The following ZFPM2 variants were observed in gnomAD, a reference collection of about 807,000 sequenced individuals.
The protein encoded by ZFPM2 is zinc finger protein, FOG family member 2, also known as zinc finger protein ZFPM2.
Under a neutral mutation model 98.6 loss-of-function variants are expected in ZFPM2, and 20 were observed. The ratio of observed to expected loss-of-function variants is 0.20; its 90% CI spans 0.14 to 0.29. The LOEUF (loss-of-function observed/expected upper bound fraction) is 0.29. Ranked by LOEUF, ZFPM2 falls within the 10% of genes least tolerant of loss-of-function variation. The probability of loss-of-function intolerance (pLI) is 1.00; values close to 1 mark genes in which losing one functional copy is unlikely to be tolerated. For missense variants in ZFPM2, 1,310 were observed against 1,388.6 expected (o/e 0.94, Z 0.90); for synonymous variants, 518 against 502.7 (o/e 1.03, Z -0.41).
intron 5 of ZFPM2, among the ~76,000 whole-genome samples, chr8:105,743,986 C>T (rs1171870167): frequency 1.3e-5 from 2 of 151,960 alleles, no homozygotes; most frequent in East Asian, 3.9e-4. Flanking sequence ...TGCCTGTGTA[C>T]TTTTGTACTC....
chr8:105,759,208 A>G (rs1318120396), intron 5 of ZFPM2, among the ~76,000 whole-genome samples: 1 of 152,086 alleles, frequency 6.6e-6, no homozygotes, highest in Non-Finnish European at 1.5e-5. Context: ...GCTTTGAATG[A>G]TTTGAAAGAA....
intron 3 of ZFPM2, among the ~76,000 whole-genome samples, chr8:105,536,115 A>G (rs973198782): frequency 3.9e-5 from 6 of 152,198 alleles, no homozygotes; most frequent in African/African-American, 1.4e-4. Flanking sequence ...AATTCTATGT[A>G]ATAATAGACC....
intron 5 of ZFPM2, among the ~76,000 whole-genome samples, chr8:105,638,475 T>C (rs1374053485): frequency 6.6e-6 from 1 of 152,130 alleles, no homozygotes; most frequent in African/African-American, 2.4e-5. Context: ...GATGCCACAA[T>C]TGTATTTATT....
At chr8:105,706,700 C>A (rs1243784116) in intron 5 of ZFPM2, among the ~76,000 whole-genome samples, 1 of 152,060 alleles carries the variant, frequency 6.6e-6, no homozygotes, top group African/African-American at 2.4e-5. Flanking sequence ...TTGCCTCAGC[C>A]TCCCAAGTAG....
chr8:105,485,885 CT>C (rs1278109493), intron 3 of ZFPM2, among the ~76,000 whole-genome samples: 1 of 152,214 alleles, frequency 6.6e-6, no homozygotes, highest in South Asian at 2.1e-4. Context: ...ATTTAAGCTT[CT>C]TTTTTGTAAA....
At position 105,329,886 on chromosome 8, in the gene ZFPM2, G is replaced by A. The variant is rs111844734; in HGVS notation, c.40+10905G>A. Among the ~76,000 whole-genome samples the A allele has an allele frequency of 5.4e-3, 826 of 151,710 alleles. 4 individuals are homozygous for A. Among genetic ancestry groups the A allele is most frequent in the African/African-American group, 0.019 (782 of 41,422 alleles). On this transcript the variant is annotated intron_variant, in intron 1 of 7. Coordinates refer to ENST00000407775, the MANE Select transcript of ZFPM2 (RefSeq NM_012082.4). ...TGGTTGGTGATGAGATTATTAGAATGTTTCTTTGCATTTTAATAATGGAAA... is the reference window on the plus strand; with the variant it reads ...TGGTTGGTGATGAGATTATTAGAATATTTCTTTGCATTTTAATAATGGAAA...
intron 3 of ZFPM2, among the ~76,000 whole-genome samples, chr8:105,445,929 T>G (rs1563662556): frequency 6.7e-6 from 1 of 149,360 alleles, no homozygotes; most frequent in Non-Finnish European, 1.5e-5. Flanking sequence ...TCTTTTTTCT[T>G]TTTTTTTTTG....
At chr8:105,498,290 G>A (rs1825074) in intron 3 of ZFPM2, among the ~76,000 whole-genome samples, 118,109 of 152,196 alleles carry the variant, frequency 0.78, 46,673 homozygotes, top group African/African-American at 0.92. Flanking sequence ...TGTAAGCTCT[G>A]TATTCATAGC....
intron 2 of ZFPM2, among the ~76,000 whole-genome samples, chr8:105,440,873 C>T (rs937503782): frequency 1.3e-5 from 2 of 152,128 alleles, no homozygotes; most frequent in African/African-American, 4.8e-5. Flanking sequence ...GGCCAAGGGA[C>T]GGGAGCGGTG....
intron 5 of ZFPM2, among the ~76,000 whole-genome samples, chr8:105,640,135 T>C (rs954522795): frequency 6.6e-6 from 1 of 151,988 alleles, no homozygotes; most frequent in African/African-American, 2.4e-5. Context: ...AAATTTAGGT[T>C]TCGATGGGTT....
chr8:105,419,067 A>C, intron 1 of ZFPM2, 77 bp from the exon 2 acceptor site: 1 of 1,433,448 alleles, frequency 7.0e-7, no homozygotes, highest in Non-Finnish European at 9.5e-7. Context: ...TGTAACAAAA[A>C]AAGGCTCTAT....
intron 1 of ZFPM2, among the ~76,000 whole-genome samples, chr8:105,380,346 T>G (rs1317847119): frequency 1.3e-5 from 2 of 151,362 alleles, no homozygotes; most frequent in South Asian, 4.2e-4. Flanking sequence ...CCCACCCACT[T>G]TATGCTCATT....
chr8:105,490,427 A>G (rs1256410967), intron 3 of ZFPM2, among the ~76,000 whole-genome samples: 1 of 152,220 alleles, frequency 6.6e-6, no homozygotes, highest in East Asian at 1.9e-4. Context: ...ATAAACAGCA[A>G]TAGAGAACCA....
chr8:105,648,743 G>A (rs1263737793), intron 5 of ZFPM2, among the ~76,000 whole-genome samples: 1 of 152,176 alleles, frequency 6.6e-6, no homozygotes, highest in Non-Finnish European at 1.5e-5. Context: ...CTGTATCTCT[G>A]TTTTGGTACC....
At chr8:105,750,945 G>A (rs1406015309) in intron 5 of ZFPM2, among the ~76,000 whole-genome samples, 2 of 152,034 alleles carry the variant, frequency 1.3e-5, no homozygotes, top group Non-Finnish European at 2.9e-5. Flanking sequence ...TTTGTCTGAG[G>A]GAGACTGTAT....
chr8:105,495,046 T>A (rs1435946158), intron 3 of ZFPM2, among the ~76,000 whole-genome samples: 1 of 152,204 alleles, frequency 6.6e-6, no homozygotes, highest in Non-Finnish European at 1.5e-5. Flanking sequence ...TCTTAGCTGA[T>A]AGCTATACAA....
At chr8:105,743,464 G>A (rs373085725) in intron 5 of ZFPM2, among the ~76,000 whole-genome samples, 9 of 151,962 alleles carry the variant, frequency 5.9e-5, no homozygotes, top group African/African-American at 1.4e-4. Flanking sequence ...TATGCATGTC[G>A]GGAAAGAATA....
At chr8:105,739,629 A>G (rs181335583) in intron 5 of ZFPM2, among the ~76,000 whole-genome samples, 1 of 151,522 alleles carries the variant, frequency 6.6e-6, no homozygotes, top group Admixed American at 6.6e-5. Flanking sequence ...TTATTTTGTC[A>G]TGAGAGAATG....
intron 1 of ZFPM2, among the ~76,000 whole-genome samples, chr8:105,371,249 A>C (rs1810616712): frequency 6.6e-6 from 1 of 152,224 alleles, no homozygotes; most frequent in Admixed American, 6.5e-5. Context: ...AACGAGGAGA[A>C]AAAGATAGGA....
Sources: allele counts gnomAD v4.1 joint callset (sites outside exome capture counted in the v4.1 genomes callset), GRCh38; gene constraint gnomAD v4.1.1; transcripts MANE v1.5; gene names NCBI Gene and HGNC (gene_info 2026-07-23, HGNC 2026-07-21).